The following DPY19L1 variants were observed in gnomAD, a reference collection of about 807,000 sequenced individuals.
DPY19L1 encodes the protein dpy-19 like C-mannosyltransferase 1, also known as protein C-mannosyl-transferase DPY19L1.
A neutral mutation model predicts 96.9 loss-of-function variants in DPY19L1; 35 were observed. That is an observed-to-expected ratio of 0.36 (90% CI 0.28 to 0.48). DPY19L1 has a LOEUF of 0.48. DPY19L1 is among the 20% of genes least tolerant of loss of function. The pLI is 0.99. For missense variants in DPY19L1, 521 were observed against 777.9 expected, an observed-to-expected ratio of 0.67 and a Z score of 3.93; for synonymous variants, 205 against 252.6, an observed-to-expected ratio of 0.81 and a Z score of 1.79.
chr7:34,933,320 G>A (rs1459103600), intron 21 of DPY19L1, among the ~76,000 whole-genome samples: 28 of 152,162 alleles, frequency 1.8e-4, no homozygotes, highest in Admixed American at 1.3e-3. Flanking sequence ...TCCACAGTCC[G>A]TACCATTATT....
upstream of DPY19L1, chr7:35,037,486 A>C (rs1206531502): frequency 3.3e-6 from 1 of 303,402 alleles, no homozygotes; most frequent in Non-Finnish European, 6.1e-6. Flanking sequence ...CTCACTCTCC[A>C]GCGGGCGGGC....
chr7:34,983,951 C>T (rs1784994636), intron 7 of DPY19L1, among the ~76,000 whole-genome samples: 1 of 151,540 alleles, frequency 6.6e-6, no homozygotes, highest in African/African-American at 2.4e-5. Flanking sequence ...AATCTCTGAA[C>T]AACAGAGAAA....
intron 15 of DPY19L1, among the ~76,000 whole-genome samples, chr7:34,947,104 A>G (rs949974934): frequency 6.6e-6 from 1 of 152,196 alleles, no homozygotes; most frequent in African/African-American, 2.4e-5. Context: ...AAGAGAGGGA[A>G]TATCACACTT....
intron 10 of DPY19L1, among the ~76,000 whole-genome samples, chr7:34,965,032 C>T (rs1307543826): frequency 1.3e-5 from 2 of 152,186 alleles, no homozygotes; most frequent in African/African-American, 4.8e-5. Flanking sequence ...ACATAAGCTG[C>T]TATATATTGC....
chr7:35,034,922 T>A (rs115013963), intron 1 of DPY19L1, among the ~76,000 whole-genome samples: 2,883 of 152,270 alleles, frequency 0.019, 104 homozygotes, highest in African/African-American at 0.066. Flanking sequence ...CAACTCTCAC[T>A]CATTCTGGGA....
At chr7:34,965,150 G>C (rs1405017740) in intron 10 of DPY19L1, among the ~76,000 whole-genome samples, 1 of 152,106 alleles carries the variant, frequency 6.6e-6, no homozygotes, top group Non-Finnish European at 1.5e-5. Context: ...ATACCCTAGA[G>C]AAACTCTCAA....
chr7:34,937,790 T>C (rs1649211), intron 21 of DPY19L1, among the ~76,000 whole-genome samples: 42,600 of 151,788 alleles, frequency 0.28, 6,165 homozygotes, highest in Non-Finnish European at 0.33. Context: ...AAAAATTAAG[T>C]GGAGCTTGCA....
At position 34,940,238 on chromosome 7, in the gene DPY19L1, C is replaced by T; in HGVS notation, c.1779G>A (p.Leu593=). Residue 593 remains leucine (L), a synonymous_variant, in exon 19 of 22, where the codon CTG becomes CTA. Coordinates refer to ENST00000638088, the MANE Select transcript of DPY19L1 (RefSeq NM_001366673.1). The part of the protein sequence containing the change: ...AAMSIQGSAN[L]QTQWNIVGEF... ...CCCCTACAATATTCCACTGGGTTTG[C>T]AGATTTGCTGAACCTTGTATTGACA... is the stretch of plus-strand genomic sequence containing the variant. 6.2e-7 allele frequency: 1 copy of T among 1,611,560 alleles called. No individual in the cohort carries two copies. The highest frequency in any genetic ancestry group is 8.5e-7 in the Non-Finnish European group (1 of 1,179,618).
At chr7:34,987,529 A>C (rs1046169215) in intron 7 of DPY19L1, among the ~76,000 whole-genome samples, 2 of 152,128 alleles carry the variant, frequency 1.3e-5, no homozygotes, top group Admixed American at 1.3e-4. Flanking sequence ...TGTAGTGCAC[A>C]GCAAACTACA....
intron 7 of DPY19L1, among the ~76,000 whole-genome samples, chr7:34,975,925 A>G (rs1029488469): frequency 2.6e-5 from 4 of 152,214 alleles, no homozygotes; most frequent in Non-Finnish European, 4.4e-5. Context: ...GATTCATTTC[A>G]AAATATTATT....
chr7:34,979,341 T>C (rs1345042767), intron 7 of DPY19L1, among the ~76,000 whole-genome samples: 3 of 152,086 alleles, frequency 2.0e-5, no homozygotes. Flanking sequence ...AAATTCTGAC[T>C]ACAAAATGAA....
intron 6 of DPY19L1, among the ~76,000 whole-genome samples, chr7:34,991,465 C>T (rs6979960): frequency 0.2 from 30,590 of 152,060 alleles, 3,427 homozygotes; most frequent in Admixed American, 0.36. Context: ...CAGTACAGGC[C>T]AGGAAGTGGA....
At chr7:35,034,376 G>C (rs1786335606) in intron 1 of DPY19L1, among the ~76,000 whole-genome samples, 1 of 152,126 alleles carries the variant, frequency 6.6e-6, no homozygotes, top group African/African-American at 2.4e-5. Flanking sequence ...AAAATGTATT[G>C]TTACAATGTC....
chr7:35,011,653 A>G (rs962499393), intron 4 of DPY19L1, among the ~76,000 whole-genome samples: 8 of 152,172 alleles, frequency 5.3e-5, no homozygotes, highest in African/African-American at 1.9e-4. Flanking sequence ...ATCCATGGGT[A>G]AGGACAAAAT....
rs751280802 is a variant in DPY19L1 at position 34,930,602 on chromosome 7, C to T, written c.*971G>A. ...GTAAAAGAAAAATTACCATGTACTACAGTCTACTGTTCCACTATAAATGAT... is the reference window on the plus strand; with the variant it reads ...GTAAAAGAAAAATTACCATGTACTATAGTCTACTGTTCCACTATAAATGAT... On this transcript the variant is annotated 3_prime_UTR_variant, in exon 22 of 22. Coordinates refer to ENST00000638088, the MANE Select transcript of DPY19L1 (RefSeq NM_001366673.1). 6.6e-6 allele frequency: 1 copy of T among 152,110 alleles called. No individual in the cohort carries two copies. Among genetic ancestry groups the T allele is most frequent in the Non-Finnish European group, 1.5e-5 (1 of 68,022 alleles). 9.4% of individuals were successfully genotyped at this position (152,110 alleles called of 1,614,324 possible).
intron 7 of DPY19L1, among the ~76,000 whole-genome samples, chr7:34,988,956 T>C (rs1006045571): frequency 3.4e-4 from 52 of 152,334 alleles, no homozygotes; most frequent in African/African-American, 1.2e-3. Context: ...ACTTAGTCTC[T>C]GCAATAATCC....
At chr7:34,939,195 C>T in intron 20 of DPY19L1, 81 bp downstream of exon 20, 1 of 1,253,322 alleles carries the variant, frequency 8.0e-7, no homozygotes, top group Non-Finnish European at 1.1e-6. Context: ...TGAAACATTC[C>T]TTATTACTTT....
intron 1 of DPY19L1, among the ~76,000 whole-genome samples, chr7:35,022,914 C>G (rs1481803006): frequency 6.6e-6 from 1 of 152,184 alleles, no homozygotes; most frequent in East Asian, 1.9e-4. Flanking sequence ...GTCCCGGACG[C>G]CTTGGTGCTG....
chr7:34,936,741 C>T (rs913879466), intron 21 of DPY19L1, among the ~76,000 whole-genome samples: 4 of 152,196 alleles, frequency 2.6e-5, no homozygotes, highest in Non-Finnish European at 4.4e-5. Flanking sequence ...ATTCAAACCA[C>T]GTAGCACACG....
Sources: allele counts gnomAD v4.1 joint callset (sites outside exome capture counted in the v4.1 genomes callset), GRCh38; gene constraint gnomAD v4.1.1; transcripts MANE v1.5; gene names NCBI Gene and HGNC (gene_info 2026-07-23, HGNC 2026-07-21).